Variants in LGR6 observed in about 807,000 individuals in gnomAD.
LGR6 encodes the protein leucine-rich repeat-containing G protein-coupled receptor 6.
In LGR6, 45 loss-of-function variants were observed where a neutral mutation model predicts 69.4. That is an observed-to-expected ratio of 0.65 (90% CI 0.51 to 0.83). The LOEUF is 0.83. LGR6 is among the 40% of genes least tolerant of loss of function. The pLI, the probability that LGR6 is intolerant of heterozygous loss-of-function variation, is 0.00. For synonymous variants in LGR6, 538 were observed against 555.0 expected, an observed-to-expected ratio of 0.97 and a Z score of 0.43; for missense variants, 1,108 against 1,246.7, an observed-to-expected ratio of 0.89 and a Z score of 1.68.
chr1:202,231,394 G>T lies in LGR6; in HGVS notation c.356+3387G>T, dbSNP rs540140726. On this transcript the variant is annotated intron_variant, in intron 3 of 17. Coordinates refer to ENST00000367278, the MANE Select transcript of LGR6 (RefSeq NM_001017403.2). Reference sequence around the variant, plus strand: ...TCACCAACCTGGCTCGGGGGAGAAGGCTGCCCTCTCTGAGTCACCCCTGTA... The same window carrying T: ...TCACCAACCTGGCTCGGGGGAGAAGTCTGCCCTCTCTGAGTCACCCCTGTA... Among the ~76,000 whole-genome samples, 41 of 152,286 alleles carry T rather than the reference G, an allele frequency of 2.7e-4. No homozygotes were observed. The South Asian group carries it at 7.9e-3, about 29-fold the overall frequency.
intron 6 of LGR6, among the ~76,000 whole-genome samples, chr1:202,292,318 T>C (rs1169109555): frequency 6.6e-6 from 1 of 152,168 alleles, no homozygotes; most frequent in African/African-American, 2.4e-5. Flanking sequence ...ACTGCCAGGG[T>C]TCAAATCCTG....
At chr1:202,282,956 G>T (rs192979676) in intron 6 of LGR6, among the ~76,000 whole-genome samples, 1 of 152,306 alleles carries the variant, frequency 6.6e-6, no homozygotes, top group East Asian at 1.9e-4. Context: ...AAAGCCCTTG[G>T]CATCAGACAG....
chr1:202,232,800 G>C (rs975896579), intron 3 of LGR6, among the ~76,000 whole-genome samples: 1 of 152,206 alleles, frequency 6.6e-6, no homozygotes, highest in Non-Finnish European at 1.5e-5. Context: ...GCATTGGCCC[G>C]AGAGACAGGA....
intron 14 of LGR6, among the ~76,000 whole-genome samples, chr1:202,307,881 G>A (rs1653377399): frequency 6.6e-6 from 1 of 152,144 alleles, no homozygotes; most frequent in Non-Finnish European, 1.5e-5. Flanking sequence ...CAGAGAGTGA[G>A]CAGTGTTGGC....
Position 202,319,623 on chromosome 1 carries a change from C to A in LGR6, c.*416C>A. 5.8e-6 allele frequency: 1 copy of A among 172,756 alleles called. No individual in the cohort carries two copies. The highest frequency in any genetic ancestry group is 5.5e-5 in the Admixed American group (1 of 18,186). 10.7% of individuals were successfully genotyped at this position (172,756 alleles called of 1,614,324 possible). A position where few individuals can be genotyped will look rare whatever the true frequency, so the allele number is the denominator to read the frequency against. On this transcript the variant is annotated 3_prime_UTR_variant, in exon 18 of 18. Transcript: ENST00000367278. ...TCATGGATAGGATACAAAATGTGTT[C>A]CATGTACCATTAATCTTGACATATG...
At position 202,235,183 on chromosome 1, in the gene LGR6, G is replaced by A. The variant is rs56400820; in HGVS notation, c.357-739G>A. On this transcript the variant is annotated intron_variant, in intron 3 of 17. Coordinates refer to ENST00000367278, the MANE Select transcript of LGR6 (RefSeq NM_001017403.2). ...CGCCCCAGGCCCTGTTTCTCCCCTT[G>A]TACATGCTCTCTGACCCTCTACCCT... is the stretch of plus-strand genomic sequence containing the variant. 3.3e-3 allele frequency among the ~76,000 whole-genome samples: 506 copies of A among 152,252 alleles called. 2 individuals carry two copies. Among genetic ancestry groups the A allele is most frequent in the Non-Finnish European group, 5.8e-3 (392 of 68,022 alleles).
At chr1:202,224,400 ACTGGGATCCTTACCCCAC>A (rs1454492911) in intron 1 of LGR6, among the ~76,000 whole-genome samples, 2 of 152,094 alleles carry the variant, frequency 1.3e-5, no homozygotes, top group African/African-American at 4.8e-5. Flanking sequence ...CCGCAGAGGG[ACTGGGATCCTTACCCCAC>A]CTGGGAATCT....
At chr1:202,289,326 C>G (rs958340286) in intron 6 of LGR6, among the ~76,000 whole-genome samples, 2 of 152,122 alleles carry the variant, frequency 1.3e-5, no homozygotes, top group Admixed American at 6.5e-5. Flanking sequence ...AACTGGATCC[C>G]CAATTGGGCC....
At chr1:202,266,209 G>A (rs1664638929) in intron 4 of LGR6, among the ~76,000 whole-genome samples, 1 of 152,156 alleles carries the variant, frequency 6.6e-6, no homozygotes, top group African/African-American at 2.4e-5. Flanking sequence ...GTGGGGGAGT[G>A]GGGGTTGGCT....
chr1:202,317,264 T>C (rs1572031104), intron 17 of LGR6, among the ~76,000 whole-genome samples: 1 of 152,194 alleles, frequency 6.6e-6, no homozygotes, highest in South Asian at 2.1e-4. Context: ...TTCTTTCCAG[T>C]GCTGTCCTTC....
chr1:202,199,551 G>A (rs887590613), intron 1 of LGR6, among the ~76,000 whole-genome samples: 1 of 152,128 alleles, frequency 6.6e-6, no homozygotes, highest in African/African-American at 2.4e-5. Flanking sequence ...GCTCAGAGCA[G>A]AGTTGGCCCC....
intron 1 of LGR6, among the ~76,000 whole-genome samples, chr1:202,208,381 G>T (rs1175785967): frequency 6.6e-6 from 1 of 151,600 alleles, no homozygotes; most frequent in Non-Finnish European, 1.5e-5. Context: ...GATACAAAGA[G>T]GGGAGAGAGA....
At chr1:202,197,123 G>A (rs761016020) in intron 1 of LGR6, 11 of 531,072 alleles carry the variant, frequency 2.1e-5, no homozygotes, top group African/African-American at 7.7e-5. Context: ...GTACCCGCAA[G>A]TCCTCTTGCA....
At chr1:202,273,881 C>T (rs986273802) in intron 4 of LGR6, among the ~76,000 whole-genome samples, 1 of 152,132 alleles carries the variant, frequency 6.6e-6, no homozygotes, top group African/African-American at 2.4e-5. Context: ...TGTTGAAATC[C>T]TATCCTACCT....
At chr1:202,295,696 A>G (rs978894461) in intron 6 of LGR6, among the ~76,000 whole-genome samples, 2 of 152,160 alleles carry the variant, frequency 1.3e-5, no homozygotes, top group African/African-American at 4.8e-5. Flanking sequence ...GCCTGACCAC[A>G]TCCTTCACAC....
At chr1:202,283,713 CAT>C (rs780634794) in intron 6 of LGR6, among the ~76,000 whole-genome samples, 5 of 152,344 alleles carry the variant, frequency 3.3e-5, no homozygotes, top group Admixed American at 6.5e-5. Flanking sequence ...CACAGCCAAT[CAT>C]GTGCACGTGC....
intron 5 of LGR6, among the ~76,000 whole-genome samples, chr1:202,278,584 G>A (rs1333897203): frequency 1.3e-5 from 2 of 152,140 alleles, no homozygotes; most frequent in East Asian, 3.8e-4. Flanking sequence ...ATGGGATGGA[G>A]GAGAGAGGCT....
intron 4 of LGR6, among the ~76,000 whole-genome samples, chr1:202,267,664 T>C (rs760375954): frequency 2.6e-5 from 4 of 152,104 alleles, no homozygotes; most frequent in Non-Finnish European, 5.9e-5. Flanking sequence ...AATATGATAA[T>C]ATATGTAAAT....
In LGR6 at chr1:202,304,594, C is replaced by T. The variant is rs1264897269; in HGVS notation, c.1034C>T (p.Ser345Leu). ...LTRAGIRLLP[S>L]GMCQQLPRLR... ...CGCGCAGGCATCCGGCTGCTCCCAT[C>T]GGGGATGTGCCAACAGCTGCCCAGG... Residue 345 changes from serine to leucine, a missense_variant, in exon 11 of 18, where the codon TCG becomes TTG. Ser to Leu is a moderately radical substitution (Grantham distance 145). Transcript: ENST00000367278. The T allele has an allele frequency of 1.2e-6, 2 of 1,610,990 alleles. No individual in the cohort carries two copies. The highest frequency in any genetic ancestry group is 1.7e-6 in the Non-Finnish European group (2 of 1,177,692).
Sources: gnomAD v4.1 joint callset for allele counts (sites outside exome capture counted in the v4.1 genomes callset) on GRCh38, gnomAD v4.1.1 for gene constraint, MANE v1.5 for transcripts, NCBI Gene and HGNC (gene_info 2026-07-23, HGNC 2026-07-21) for gene names.